ATXN10: variants seen among roughly 807,000 people sequenced by gnomAD.
ATXN10 encodes the protein ataxin 10.
Under a neutral mutation model 52.9 loss-of-function variants are expected in ATXN10, and 28 were observed. The ratio of observed to expected loss-of-function variants is 0.53; its 90% CI spans 0.39 to 0.73. The LOEUF is 0.73. Among genes scored for constraint, ATXN10 ranks in the 30% least tolerant of loss-of-function variants. The pLI, the probability that ATXN10 is intolerant of heterozygous loss-of-function variation, is 0.00. For synonymous variants in ATXN10, 226 were observed against 221.5 expected (o/e 1.02, Z -0.18); for missense variants, 565 against 577.0 (o/e 0.98, Z 0.21).
chr22:45,753,003 G>A (rs551429513), intron 9 of ATXN10, among the ~76,000 whole-genome samples: 237 of 152,162 alleles, frequency 1.6e-3, no homozygotes, highest in Non-Finnish European at 1.3e-3. Context: ...CAAAGTGCTG[G>A]GATTACAGGC....
rs1487381019 is a variant in ATXN10 at position 45,805,378 on chromosome 22, T to C, written c.1174-1581T>C. ...TACCCAAGAACAATGAATACTTATA[T>C]CCACTCAAAAACATGTACATGCACA... On this transcript the variant is annotated intron_variant, in intron 9 of 11. Coordinates refer to ENST00000252934, the MANE Select transcript of ATXN10 (RefSeq NM_013236.4). The surrounding 1 kb of genome is among the most constrained non-coding windows in gnomAD (Gnocchi z 4.4). 6.6e-6 allele frequency among the ~76,000 whole-genome samples: 1 copy of C among 152,150 alleles called. No homozygotes were observed. Among genetic ancestry groups the C allele is most frequent in the Non-Finnish European group, 1.5e-5 (1 of 68,030 alleles).
intron 7 of ATXN10, among the ~76,000 whole-genome samples, chr22:45,734,200 G>A (rs1417713612): frequency 1.3e-5 from 2 of 152,086 alleles, no homozygotes; most frequent in African/African-American, 4.8e-5. Flanking sequence ...AGAATTATGT[G>A]TATTTAAAAA....
At chr22:45,679,808 A>G (rs1351052487) in intron 1 of ATXN10, 7 of 152,214 alleles carry the variant, frequency 4.6e-5, no homozygotes. Flanking sequence ...ATTGTTTGGT[A>G]AGGTGTTCTG....
At chr22:45,682,654 A>T (rs1041307097) in intron 1 of ATXN10, among the ~76,000 whole-genome samples, 18 of 152,226 alleles carry the variant, frequency 1.2e-4, no homozygotes, top group Middle Eastern at 6.8e-3. Flanking sequence ...TATTCACCTG[A>T]CTACTTCACA....
rs902482832 is a variant in ATXN10, at chr22:45,816,215, TGGCACGCCAGCCTG to T, written c.1237+9196_1237+9209del. On this transcript the variant is annotated intron_variant, in intron 10 of 11. Transcript: ENST00000252934. The surrounding 1 kb of genome is among the most constrained non-coding windows in gnomAD (Gnocchi z 5.8). Reference sequence around the variant, plus strand: ...TTGTAGTGAGCTGAGATTGTGTCATTGGCACGCCAGCCTGGGTGTTGCAGCAAGACTCTATCTAA... The same window carrying T: ...TTGTAGTGAGCTGAGATTGTGTCATTGGTGTTGCAGCAAGACTCTATCTAA... Among the ~76,000 whole-genome samples, 1 of 152,154 alleles carries T rather than the reference TGGCACGCCAGCCTG, an allele frequency of 6.6e-6. No individual in the cohort carries two copies. The highest frequency in any genetic ancestry group is 2.4e-5 in the African/African-American group (1 of 41,432).
chr22:45,843,092 G>A lies in ATXN10; in HGVS notation c.1339G>A (p.Ala447Thr). Residue 447 changes from alanine to threonine, a missense_variant, in exon 11 of 12, where the codon GCA becomes ACA. Coordinates refer to ENST00000252934, the MANE Select transcript of ATXN10 (RefSeq NM_013236.4). This position sits in a 1 kb window ranked among gnomAD's most constrained non-coding sequence, Gnocchi z 4.5. ...AKMEEQGLAD[A>T]SLLKKVGFEV... The stretch of plus-strand genomic sequence containing the variant: ...GATGGAGGAACAGGGGCTGGCAGAT[G>A]CATCCCTACTTAAAAAAGTGGGTTT... The A allele has an allele frequency of 6.2e-7, 1 of 1,614,180 alleles. No homozygotes were observed. Among genetic ancestry groups the A allele is most frequent in the Non-Finnish European group, 8.5e-7 (1 of 1,180,038 alleles).
At position 45,690,048 on chromosome 22, in the gene ATXN10, G is replaced by A; in HGVS notation, c.308+145G>A. ...AGCATTTTGGGAGGCTGAGGCAGGA[G>A]GATTGCTTGAGTCCAGGAGTTCAAG... On this transcript the variant is annotated intron_variant, in intron 2 of 11. Transcript: ENST00000252934. The surrounding 1 kb of genome is among the most constrained non-coding windows in gnomAD (Gnocchi z 4.5). 2 of 815,916 alleles carry A rather than the reference G, an allele frequency of 2.5e-6. No individual in the cohort carries two copies. The highest frequency in any genetic ancestry group is 4.0e-6 in the Non-Finnish European group (2 of 495,826). 50.5% of individuals were successfully genotyped at this position (815,916 alleles called of 1,614,324 possible).
rs951213054 is a variant in ATXN10, at chr22:45,683,982, C to T, written c.117-5730C>T. Among the ~76,000 whole-genome samples, 11 of 152,210 alleles carry T rather than the reference C, an allele frequency of 7.2e-5. No homozygotes were observed. Among genetic ancestry groups the T allele is most frequent in the African/African-American group, 2.4e-4 (10 of 41,520 alleles). On this transcript the variant is annotated intron_variant, in intron 1 of 11. Coordinates refer to ENST00000252934, the MANE Select transcript of ATXN10 (RefSeq NM_013236.4). The surrounding 1 kb of genome is among the most constrained non-coding windows in gnomAD (Gnocchi z 4.8). ...TCATGTTTTCTTAGAGACAAGGTCT[C>T]GCTGTGTCACCCAGGCCTGAGTGCA...
intron 9 of ATXN10, among the ~76,000 whole-genome samples, chr22:45,785,133 T>G (rs1202015015): frequency 6.6e-6 from 1 of 152,246 alleles, no homozygotes; most frequent in Non-Finnish European, 1.5e-5. Context: ...TCTCTGCTGC[T>G]GCCATGGTTT....
In ATXN10 at chr22:45,734,574, G is replaced by A. The variant is rs148971562; in HGVS notation, c.895-4157G>A. On this transcript the variant is annotated intron_variant, in intron 7 of 11. Transcript: ENST00000252934. Reference sequence around the variant, plus strand: ...ACAACTGACAGCCAAGAAGATTTTTGTTTGTTTGTTTGTTTTTTAAGTAAA... The same window carrying A: ...ACAACTGACAGCCAAGAAGATTTTTATTTGTTTGTTTGTTTTTTAAGTAAA... Among the ~76,000 whole-genome samples the A allele has an allele frequency of 9.2e-3, 1,147 of 124,602 alleles. 5 individuals carry two copies. Among genetic ancestry groups the A allele is most frequent in the Middle Eastern group, 0.016 (4 of 248 alleles). The allele number at this position is 124,602 out of a possible 152,430, so 81.7% of individuals were successfully genotyped here.
chr22:45,831,409 A>T (rs1928988603), intron 10 of ATXN10, among the ~76,000 whole-genome samples: 1 of 152,194 alleles, frequency 6.6e-6, no homozygotes, highest in Admixed American at 6.5e-5. Context: ...AAATGTAGGC[A>T]GCAACTGTAC....
At chr22:45,822,600 G>T (rs969241857) in intron 10 of ATXN10, among the ~76,000 whole-genome samples, 1 of 139,386 alleles carries the variant, frequency 7.2e-6, no homozygotes, top group Non-Finnish European at 1.5e-5. Flanking sequence ...GCACGATCTC[G>T]GCTCACTGCA....
Position 45,819,190 on chromosome 22 carries a change from GAAAATAGAAT to G in ATXN10, c.1237+12170_1237+12179del, listed in dbSNP as rs1928565157. On this transcript the variant is annotated intron_variant, in intron 10 of 11. Coordinates refer to ENST00000252934, the MANE Select transcript of ATXN10 (RefSeq NM_013236.4). The surrounding 1 kb of genome is among the most constrained non-coding windows in gnomAD (Gnocchi z 4.5). ...TCTCTGTAGTATGAAGAATAGAATA[GAAAATAGAAT>G]AGAATAGAATAGAATAGAATAGAAT... Among the ~76,000 whole-genome samples, 1 of 129,922 alleles carries G rather than the reference GAAAATAGAAT, an allele frequency of 7.7e-6. No homozygotes were observed. Among genetic ancestry groups the G allele is most frequent in the Non-Finnish European group, 1.7e-5 (1 of 60,420 alleles). The allele number at this position is 129,922 out of a possible 152,430, so 85.2% of individuals were successfully genotyped here.
intron 9 of ATXN10, among the ~76,000 whole-genome samples, chr22:45,799,298 A>G (rs1927855967): frequency 6.6e-6 from 1 of 152,194 alleles, no homozygotes; most frequent in Admixed American, 6.5e-5. Context: ...CAAAAGACCT[A>G]GAATAGCTGT....
intron 1 of ATXN10, chr22:45,676,057 T>C (rs1287752409): frequency 6.6e-6 from 1 of 152,240 alleles, no homozygotes; most frequent in Non-Finnish European, 1.5e-5. Flanking sequence ...TTAAATTCTT[T>C]CTGAACAAGT....
intron 5 of ATXN10, among the ~76,000 whole-genome samples, chr22:45,711,420 C>T (rs1338111180): frequency 2.0e-5 from 3 of 152,084 alleles, no homozygotes; most frequent in Non-Finnish European, 4.4e-5. Flanking sequence ...GGTGCCGAAC[C>T]GTTCTGGCTC....
chr22:45,807,001 A>T lies in ATXN10; in HGVS notation c.1216A>T (p.Asn406Tyr). ...DGIPLILDNC[N>Y]ISDSNPFLTQ... is the part of the protein sequence containing the mutation. ...TATCCCGTTGATCCTGGACAACTGC[A>T]ACATCAGTGACAGTAACCCCTGTAT... Residue 406 changes from asparagine to tyrosine, a missense_variant, in exon 10 of 12, where the codon AAC becomes TAC. Physicochemically the swap from Asn to Tyr is moderately radical, Grantham distance 143. Coordinates refer to ENST00000252934, the MANE Select transcript of ATXN10 (RefSeq NM_013236.4). 6.2e-7 allele frequency: 1 copy of T among 1,614,034 alleles called. No homozygotes were observed. The highest frequency in any genetic ancestry group is 2.2e-5 in the East Asian group (1 of 44,874).
chr22:45,687,340 G>A (rs1439751164), intron 1 of ATXN10, among the ~76,000 whole-genome samples: 1 of 152,118 alleles, frequency 6.6e-6, no homozygotes, highest in Non-Finnish European at 1.5e-5. Flanking sequence ...CTTTTGCTGT[G>A]CTAGATACCA....
In ATXN10 at chr22:45,781,425, T is replaced by G. The variant is rs948457046; in HGVS notation, c.1174-25534T>G. Among the ~76,000 whole-genome samples the G allele has an allele frequency of 6.6e-6, 1 of 152,126 alleles. No individual in the cohort carries two copies. The highest frequency in any genetic ancestry group is 6.5e-5 in the Admixed American group (1 of 15,282). On this transcript the variant is annotated intron_variant, in intron 9 of 11. Coordinates refer to ENST00000252934, the MANE Select transcript of ATXN10 (RefSeq NM_013236.4). This position sits in a 1 kb window ranked among gnomAD's most constrained non-coding sequence, Gnocchi z 4.2. Reference sequence around the variant, plus strand: ...GTCAAAGGAGGTTGAGTGAGGGACCTAGATCTTCACCACAACCTGGCAGTA... The same window carrying G: ...GTCAAAGGAGGTTGAGTGAGGGACCGAGATCTTCACCACAACCTGGCAGTA...
Sources: gnomAD v4.1 joint callset for allele counts (sites outside exome capture counted in the v4.1 genomes callset) on GRCh38, gnomAD v4.1.1 for gene constraint, Gnocchi (gnomAD v3.1) non-coding constraint, MANE v1.5 for transcripts, NCBI Gene and HGNC (gene_info 2026-07-23, HGNC 2026-07-21) for gene names.